The following FNBP1 variants were observed in gnomAD, a reference collection of about 807,000 sequenced individuals.
The protein encoded by FNBP1 is formin binding protein 1.
A neutral mutation model predicts 90.6 loss-of-function variants in FNBP1; 26 were observed. That is an observed-to-expected ratio of 0.29 (90% CI 0.21 to 0.40). The LOEUF (loss-of-function observed/expected upper bound fraction) is 0.40. Ranked by LOEUF, FNBP1 falls within the 10% of genes least tolerant of loss-of-function variation. The pLI is 1.00. For synonymous variants in FNBP1, 260 were observed against 265.2 expected (o/e 0.98, Z 0.19); for missense variants, 635 against 768.0 (o/e 0.83, Z 2.05).
Position 129,890,509 on chromosome 9 carries a change from G to A in FNBP1, c.*30C>T, listed in dbSNP as rs1293058721. ...AAGCAGACGGAGGCTCCTCCAGGAA[G>A]GCTCACCCGAGGCTCGCAGGCACTC... On this transcript the variant is annotated 3_prime_UTR_variant, in exon 17 of 17. Coordinates refer to ENST00000446176, the MANE Select transcript of FNBP1 (RefSeq NM_015033.3). This position sits in a 1 kb window ranked among gnomAD's most constrained non-coding sequence, Gnocchi z 5.8. 6.3e-7 allele frequency: 1 copy of A among 1,578,020 alleles called. No individual in the cohort carries two copies. Among genetic ancestry groups the A allele is most frequent in the Non-Finnish European group, 8.6e-7 (1 of 1,160,940 alleles).
chr9:129,992,882 T>C (rs1352998687), intron 2 of FNBP1, among the ~76,000 whole-genome samples: 2 of 148,906 alleles, frequency 1.3e-5, no homozygotes, highest in African/African-American at 4.9e-5. Context: ...CAGATGCTCT[T>C]TGGATTAAAA....
chr9:129,937,672 A>C (rs904801220), intron 6 of FNBP1, among the ~76,000 whole-genome samples: 25 of 152,020 alleles, frequency 1.6e-4, no homozygotes, highest in Non-Finnish European at 3.2e-4. Context: ...TAGAGGTTAC[A>C]GTGAGCCAAG....
At chr9:129,899,208 G>A (rs1352078457) in intron 15 of FNBP1, among the ~76,000 whole-genome samples, 1 of 151,884 alleles carries the variant, frequency 6.6e-6, no homozygotes, top group Non-Finnish European at 1.5e-5. Context: ...CTCCCGAGCA[G>A]CTGGGATTAC....
chr9:129,928,137 A>C (rs1457347152), intron 7 of FNBP1, among the ~76,000 whole-genome samples: 1 of 152,176 alleles, frequency 6.6e-6, no homozygotes, highest in Non-Finnish European at 1.5e-5. Flanking sequence ...CTACAATTGG[A>C]CTCAAAGTTG....
intron 12 of FNBP1, among the ~76,000 whole-genome samples, chr9:129,907,741 T>A (rs1280705886): frequency 2.6e-5 from 4 of 152,154 alleles, no homozygotes. Flanking sequence ...TTTTTTGTTT[T>A]GTTTTGAGAC....
chr9:129,993,380 C>A (rs2053508650), intron 2 of FNBP1, among the ~76,000 whole-genome samples: 1 of 151,144 alleles, frequency 6.6e-6, no homozygotes. Context: ...ACTTCAAGTT[C>A]AAGCTTAGTT....
intron 1 of FNBP1, among the ~76,000 whole-genome samples, chr9:130,030,985 G>C (rs1306251669): frequency 6.6e-6 from 1 of 152,156 alleles, no homozygotes; most frequent in Non-Finnish European, 1.5e-5. Context: ...AAAAGGACCT[G>C]TGGCCTATAT....
At chr9:130,051,050 G>A in the FNBP1 span, among the ~76,000 whole-genome samples, 9 of 151,916 alleles carry the variant, frequency 5.9e-5, no homozygotes, top group Admixed American at 3.9e-4. Context: ...ACAGGCATGC[G>A]CCACCATGCC....
chr9:130,012,886 A>T (rs1235455632), intron 1 of FNBP1, among the ~76,000 whole-genome samples: 2 of 152,086 alleles, frequency 1.3e-5, no homozygotes, highest in African/African-American at 4.8e-5. Flanking sequence ...TGATCTGCCC[A>T]CCTCAGCCTC....
rs867277500 is a variant in FNBP1, at chr9:130,042,543, G to A, written c.24+409C>T. ...AGCCAGGACAGAACTCGCGGCCGGGGCGCCCCGAGACCCAACGCAGCGCCG... is the reference window on the plus strand; with the variant it reads ...AGCCAGGACAGAACTCGCGGCCGGGACGCCCCGAGACCCAACGCAGCGCCG... On this transcript the variant is annotated intron_variant, in intron 1 of 16. Coordinates refer to ENST00000446176, the MANE Select transcript of FNBP1 (RefSeq NM_015033.3). The surrounding 1 kb of genome is among the most constrained non-coding windows in gnomAD (Gnocchi z 5.5). 7.9e-5 allele frequency among the ~76,000 whole-genome samples: 12 copies of A among 151,910 alleles called. No homozygotes were observed. Among genetic ancestry groups the A allele is most frequent in the African/African-American group, 2.9e-4 (12 of 41,486 alleles).
intron 2 of FNBP1, among the ~76,000 whole-genome samples, chr9:129,990,709 G>C (rs1228203065): frequency 6.6e-6 from 1 of 152,156 alleles, no homozygotes. Context: ...ATAGGGGATA[G>C]AGGTAGAATA....
At chr9:129,894,165 T>G (rs2035415668) in intron 16 of FNBP1, among the ~76,000 whole-genome samples, 1 of 151,838 alleles carries the variant, frequency 6.6e-6, no homozygotes, top group East Asian at 1.9e-4. Flanking sequence ...GAAATAATTT[T>G]CAAAATCAAA....
chr9:130,041,023 G>C lies in FNBP1; in HGVS notation c.24+1929C>G, dbSNP rs570707959. Among the ~76,000 whole-genome samples, 1 of 140,378 alleles carries C rather than the reference G, an allele frequency of 7.1e-6. No homozygotes were observed. The highest frequency in any genetic ancestry group is 2.6e-5 in the African/African-American group (1 of 37,764). 92.1% of individuals were successfully genotyped at this position (140,378 alleles called of 152,430 possible). On this transcript the variant is annotated intron_variant, in intron 1 of 16. Transcript: ENST00000446176. The surrounding 1 kb of genome is among the most constrained non-coding windows in gnomAD (Gnocchi z 4.3). Reference sequence around the variant, plus strand: ...TCTTTTCTTTTTTTTTTTTTTAAGAGGAGGCCTCTCCAGATATTCCCCAAG... The same window carrying C: ...TCTTTTCTTTTTTTTTTTTTTAAGACGAGGCCTCTCCAGATATTCCCCAAG...
intron 16 of FNBP1, among the ~76,000 whole-genome samples, chr9:129,893,914 CAAAAAAA>C (rs34164874): frequency 0.02 from 2,328 of 115,824 alleles, 29 homozygotes; most frequent in South Asian, 0.072. Context: ...GACTCCATCT[CAAAAAAA>C]AAAAAAAAAA....
intron 4 of FNBP1, among the ~76,000 whole-genome samples, chr9:129,968,886 G>T (rs915450344): frequency 1.3e-5 from 2 of 152,144 alleles, no homozygotes; most frequent in African/African-American, 4.8e-5. Flanking sequence ...TTTTCCACCT[G>T]CAGGGAGAAG....
intron 4 of FNBP1, among the ~76,000 whole-genome samples, chr9:129,962,741 A>G (rs968082831): frequency 1.3e-5 from 2 of 152,148 alleles, no homozygotes; most frequent in African/African-American, 4.8e-5. Flanking sequence ...AGCTCTTGTA[A>G]TGGACATAAG....
intron 1 of FNBP1, among the ~76,000 whole-genome samples, chr9:130,010,937 A>T (rs2056471394): frequency 6.6e-6 from 1 of 151,722 alleles, no homozygotes; most frequent in Admixed American, 6.6e-5. Context: ...GCAGGGCTCA[A>T]GATAGACATG....
intron 1 of FNBP1, among the ~76,000 whole-genome samples, chr9:130,024,397 C>T (rs1447997018): frequency 1.3e-5 from 2 of 152,184 alleles, no homozygotes; most frequent in East Asian, 3.8e-4. Flanking sequence ...CTGCAGTGAG[C>T]TCTGACAGTG....
At chr9:129,905,294 G>GTGTGTATATATATATATATATATA (rs374989661) in intron 12 of FNBP1, among the ~76,000 whole-genome samples, 1 of 132,336 alleles carries the variant, frequency 7.6e-6, no homozygotes, top group African/African-American at 2.9e-5. Context: ...GTGTGTGTGT[G>GTGTGTATATATATATATATATATA]TATATATATA....
Sources: allele counts gnomAD v4.1 joint callset (sites outside exome capture counted in the v4.1 genomes callset), GRCh38; gene constraint gnomAD v4.1.1; non-coding constraint Gnocchi (gnomAD v3.1); transcripts MANE v1.5; gene names NCBI Gene and HGNC (gene_info 2026-07-23, HGNC 2026-07-21).